Variants in CASZ1 observed in about 807,000 individuals in gnomAD.
The protein encoded by CASZ1 is castor zinc finger 1, also known as zinc finger protein castor homolog 1.
CASZ1 carries 28 observed loss-of-function variants against 135.2 expected under a neutral mutation model. That is an observed-to-expected ratio of 0.21 (90% CI 0.15 to 0.28). The LOEUF (loss-of-function observed/expected upper bound fraction) is 0.28, where lower values mean the gene tolerates loss of function less well. Among genes scored for constraint, CASZ1 ranks in the 10% least tolerant of loss-of-function variants. CASZ1 has a pLI of 1.00. For missense variants in CASZ1, 2,161 were observed against 2,453.3 expected, an observed-to-expected ratio of 0.88 and a Z score of 2.52; for synonymous variants, 1,068 against 1,073.4, an observed-to-expected ratio of 0.99 and a Z score of 0.10.
At chr1:10,710,144 A>T (rs144329040) in intron 2 of CASZ1, among the ~76,000 whole-genome samples, 1 of 152,226 alleles carries the variant, frequency 6.6e-6, no homozygotes, top group Non-Finnish European at 1.5e-5. Flanking sequence ...TTTTAATCAT[A>T]GTAATTTTTA....
At chr1:10,792,328 C>CA (rs1640973698) in intron 1 of CASZ1, among the ~76,000 whole-genome samples, 1 of 16,112 alleles carries the variant, frequency 6.2e-5, no homozygotes, top group Non-Finnish European at 2.5e-4. Flanking sequence ...CTCCCCCCCG[C>CA]CCCCCCCCCC....
At chr1:10,749,165 T>C (rs546566188) in intron 2 of CASZ1, among the ~76,000 whole-genome samples, 16 of 152,306 alleles carry the variant, frequency 1.1e-4, no homozygotes, top group African/African-American at 3.6e-4. Flanking sequence ...CACAGCCAGA[T>C]GGTCTCCACG....
intron 4 of CASZ1, among the ~76,000 whole-genome samples, chr1:10,675,386 C>A (rs1039322212): frequency 1.3e-5 from 2 of 151,486 alleles, no homozygotes; most frequent in Admixed American, 6.6e-5. Context: ...GCAAGGCTGG[C>A]GGGAAGGAAT....
chr1:10,760,974 C>T (rs2100575065), intron 1 of CASZ1, 117 bp from the exon 2 acceptor site: 1 of 152,402 alleles, frequency 6.6e-6, no homozygotes, highest in East Asian at 1.9e-4. Context: ...GATAACCAGC[C>T]AGCCAGGTAA....
At chr1:10,754,959 G>A (rs966952065) in intron 2 of CASZ1, among the ~76,000 whole-genome samples, 69 of 152,314 alleles carry the variant, frequency 4.5e-4, no homozygotes, top group Admixed American at 3.9e-3. Flanking sequence ...CTCTTACCCC[G>A]TTGGCCACGG....
At position 10,759,427 on chromosome 1, in the gene CASZ1, C is replaced by G. The variant is rs190459951; in HGVS notation, c.-77+1274G>C. Among the ~76,000 whole-genome samples the G allele has an allele frequency of 6.6e-6, 1 of 152,156 alleles. No individual in the cohort carries two copies. Among genetic ancestry groups the G allele is most frequent in the Admixed American group, 6.5e-5 (1 of 15,286 alleles). ...GGACAACGGCAGCACATCCTAAGTA[C>G]GACAGACCAACTTCAGGAGCATGAT... is the stretch of plus-strand genomic sequence containing the variant. On this transcript the variant is annotated intron_variant, in intron 2 of 20. Transcript: ENST00000377022. The surrounding 1 kb of genome is among the most constrained non-coding windows in gnomAD (Gnocchi z 4.2).
rs1302981955 is a variant in CASZ1 at position 10,777,169 on chromosome 1, C to T, written c.-233-16312G>A. ...ACCAGGACAATAACCTGTGAGCTGC[C>T]TTCTTCACAGGAAGGGTCATAATGA... On this transcript the variant is annotated intron_variant, in intron 1 of 20. Transcript: ENST00000377022. The surrounding 1 kb of genome is among the most constrained non-coding windows in gnomAD (Gnocchi z 4.4). Among the ~76,000 whole-genome samples, 1 of 152,224 alleles carries T rather than the reference C, an allele frequency of 6.6e-6. No homozygotes were observed. The highest frequency in any genetic ancestry group is 1.5e-5 in the Non-Finnish European group (1 of 68,038).
At chr1:10,792,161 G>GAA (rs35822672) in intron 1 of CASZ1, among the ~76,000 whole-genome samples, 3 of 115,138 alleles carry the variant, frequency 2.6e-5, no homozygotes, top group Non-Finnish European at 3.9e-5. Flanking sequence ...CAGAAAGAAA[G>GAA]AAAAAAAAAA....
rs1040915264 is a variant in CASZ1, at chr1:10,639,958, G to A, written c.4264C>T (p.Arg1422Trp). 7 of 1,612,816 alleles carry A rather than the reference G, an allele frequency of 4.3e-6. No individual in the cohort carries two copies. Among genetic ancestry groups the A allele is most frequent in the Non-Finnish European group, 5.9e-6 (7 of 1,180,024 alleles). Reference protein sequence around the residue: ...FGKRRKTASSRKMLDEGMMLE... With the variant: ...FGKRRKTASSWKMLDEGMMLE... ...ATCATGCCCTCGTCCAGCATCTTCC[G>A]GGAGGACGCCGTCTTCCGCCGCTTG... is the stretch of plus-strand genomic sequence containing the variant. Residue 1422 changes from arginine (R) to tryptophan (W), a missense_variant, in exon 21 of 21, where the codon CGG (arginine) becomes TGG (tryptophan). Arg to Trp is a moderately radical substitution (Grantham distance 101, BLOSUM62 -3). Transcript: ENST00000377022. This position sits in a 1 kb window ranked among gnomAD's most constrained non-coding sequence, Gnocchi z 4.0.
chr1:10,666,644 C>T lies in CASZ1; in HGVS notation c.17-1073G>A, dbSNP rs1000382735. Among the ~76,000 whole-genome samples, 3 of 152,138 alleles carry T rather than the reference C, an allele frequency of 2.0e-5. No homozygotes were observed. The highest frequency in any genetic ancestry group is 4.4e-5 in the Non-Finnish European group (3 of 68,030). Reference sequence around the variant, plus strand: ...CAGCCGGAAGGAAGCCCTCATGAGGCGACTTGAGAGCCAGCGACCTCCCTC... The same window carrying T: ...CAGCCGGAAGGAAGCCCTCATGAGGTGACTTGAGAGCCAGCGACCTCCCTC... On this transcript the variant is annotated intron_variant, in intron 4 of 20. Transcript: ENST00000377022. This position sits in a 1 kb window ranked among gnomAD's most constrained non-coding sequence, Gnocchi z 5.2.
At position 10,638,877 on chromosome 1, in the gene CASZ1, G is replaced by T; in HGVS notation, c.*65C>A. ...CGGGGCTCTGCCCAGGGGCCGCTTC[G>T]CGCGGGGCGGCGCCGCTCCCGAGGC... is the stretch of plus-strand genomic sequence containing the variant. On this transcript the variant is annotated 3_prime_UTR_variant, in exon 21 of 21. Transcript: ENST00000377022. This position sits in a 1 kb window ranked among gnomAD's most constrained non-coding sequence, Gnocchi z 5.9. The T allele has an allele frequency of 1.0e-6, 1 of 981,584 alleles. No individual in the cohort carries two copies. Among genetic ancestry groups the T allele is most frequent in the Non-Finnish European group, 1.2e-6 (1 of 828,282 alleles). The allele number at this position is 981,584 out of a possible 1,614,324, so 60.8% of individuals were successfully genotyped here. A position where few individuals can be genotyped will look rare whatever the true frequency, so the allele number is the denominator to read the frequency against.
intron 1 of CASZ1, among the ~76,000 whole-genome samples, chr1:10,787,857 G>T (rs559599920): frequency 6.6e-6 from 1 of 152,230 alleles, no homozygotes; most frequent in African/African-American, 2.4e-5. Flanking sequence ...ACCGGCTCAG[G>T]CACCAGCCTT....
rs369556052 is a variant in CASZ1 at position 10,665,199 on chromosome 1, C to T, written c.389G>A (p.Ser130Asn). The change falls in exon 5 of 21, where the codon AGC becomes AAC. Residue 130 changes from serine (S) to asparagine (N), a missense_variant. By Grantham distance (46) the Ser-to-Asn change is conservative (BLOSUM62 1). Transcript: ENST00000377022. Reference protein sequence around the residue: ...GVYMVQPQGCSDEEDHAEEPS... With the variant: ...GVYMVQPQGCNDEEDHAEEPS... The stretch of plus-strand genomic sequence containing the variant: ...CTCCTCCGCGTGGTCTTCCTCATCG[C>T]TGCACCCCTGGGGCTGCACCATGTA... 61 of 1,579,082 alleles carry T rather than the reference C, an allele frequency of 3.9e-5. No individual in the cohort carries two copies. Among genetic ancestry groups the T allele is most frequent in the Non-Finnish European group, 5.3e-5 (61 of 1,159,594 alleles).
At chr1:10,713,203 C>T (rs1639318167) in intron 2 of CASZ1, among the ~76,000 whole-genome samples, 1 of 152,230 alleles carries the variant, frequency 6.6e-6, no homozygotes, top group Non-Finnish European at 1.5e-5. Context: ...ATATTAACAG[C>T]AGAAAATCAG....
In CASZ1 at chr1:10,646,266, A is replaced by G. The variant is rs375175716; in HGVS notation, c.3558T>C (p.Phe1186=). The G allele has an allele frequency of 7.7e-5, 124 of 1,614,114 alleles. No homozygotes were observed. In the African/African-American group the frequency reaches 1.6e-3, roughly 20 times the overall value. The part of the protein sequence containing the change: ...YANKFHFHCL[F]GNCKYVCKTS... Reference sequence around the variant, plus strand: ...TTTTGCAGACGTACTTGCAGTTCCCAAAGAGACAGTGGAAGTGGAACTTGT... The same window carrying G: ...TTTTGCAGACGTACTTGCAGTTCCCGAAGAGACAGTGGAAGTGGAACTTGT... The change falls in exon 17 of 21, where the codon TTT becomes TTC. Residue 1186 remains phenylalanine, a synonymous_variant. Transcript: ENST00000377022. This position sits in a 1 kb window ranked among gnomAD's most constrained non-coding sequence, Gnocchi z 6.4.
chr1:10,665,588 G>A lies in CASZ1; in HGVS notation c.17-17C>T, dbSNP rs765764151. The A allele has an allele frequency of 7.8e-6, 12 of 1,536,702 alleles. No individual in the cohort carries two copies. Among genetic ancestry groups the A allele is most frequent in the Non-Finnish European group, 1.0e-5 (12 of 1,146,838 alleles). On this transcript the variant is annotated splice_polypyrimidine_tract_variant and intron_variant, in intron 4 of 20. Transcript: ENST00000377022. ...TGCCCTCAGCTGCAGGGATGGAGGA[G>A]AGCACGGAGGTCAGAGGCGTGCAAG...
intron 1 of CASZ1, among the ~76,000 whole-genome samples, chr1:10,795,067 G>A (rs899482695): frequency 3.0e-4 from 45 of 152,250 alleles, no homozygotes; most frequent in Middle Eastern, 3.4e-3. Context: ...GGCGGCCGAC[G>A]GCCATCAGCT....
intron 20 of CASZ1, chr1:10,642,060 T>G (rs1269923261): frequency 1.3e-5 from 2 of 151,092 alleles, no homozygotes; most frequent in Non-Finnish European, 2.9e-5. Context: ...CACTTTTTAC[T>G]GGAGTTGGAG....
At chr1:10,648,828 C>T (rs551075144) in intron 15 of CASZ1, 198 of 535,110 alleles carry the variant, frequency 3.7e-4, no homozygotes, top group Non-Finnish European at 6.3e-4. Context: ...GACGTGGGTG[C>T]AGCAGCAGCT....
Sources: gnomAD v4.1 joint callset for allele counts (sites outside exome capture counted in the v4.1 genomes callset) on GRCh38, gnomAD v4.1.1 for gene constraint, Gnocchi (gnomAD v3.1) non-coding constraint, MANE v1.5 for transcripts, NCBI Gene and HGNC (gene_info 2026-07-23, HGNC 2026-07-21) for gene names.